The following PDXDC1 variants were observed in gnomAD, a reference collection of about 807,000 sequenced individuals.
PDXDC1 encodes pyridoxal dependent decarboxylase domain containing 1, also known as pyridoxal-dependent decarboxylase domain-containing protein 1.
Under a neutral mutation model 100.1 loss-of-function variants are expected in PDXDC1, and 42 were observed. The ratio of observed to expected loss-of-function variants is 0.42; its 90% CI spans 0.33 to 0.54. The LOEUF (loss-of-function observed/expected upper bound fraction) is 0.54. PDXDC1 is among the 20% of genes least tolerant of loss of function. PDXDC1 has a pLI of 0.10. For synonymous variants in PDXDC1, 260 were observed against 371.7 expected (o/e 0.70, Z 3.46); for missense variants, 636 against 979.2 (o/e 0.65, Z 4.68).
downstream of PDXDC1, among the ~76,000 whole-genome samples, chr16:15,141,635 C>T (rs1446593127): frequency 1.3e-5 from 2 of 151,984 alleles, no homozygotes; most frequent in South Asian, 2.1e-4. Flanking sequence ...CTGAACCCTG[C>T]TTCTCTGCCG....
At chr16:15,055,929 A>C in intron 16 of PDXDC1, 1 of 1,232,984 alleles carries the variant, frequency 8.1e-7, no homozygotes, top group Non-Finnish European at 1.0e-6. Flanking sequence ...TCCCCGGCTG[A>C]CTGCGGCAGC....
intron 16 of PDXDC1, among the ~76,000 whole-genome samples, chr16:15,112,167 A>C (rs1337522067): frequency 2.7e-5 from 4 of 148,844 alleles, no homozygotes; most frequent in East Asian, 1.9e-4. Context: ...TAAAATGCAA[A>C]GCAAATCCCA....
At chr16:15,028,988 C>G (rs765465336) in intron 15 of PDXDC1, 22 bp downstream of exon 15, 4 of 1,608,454 alleles carry the variant, frequency 2.5e-6, no homozygotes, top group African/African-American at 1.3e-5. Flanking sequence ...AGTCACCCCC[C>G]TTTCCTTTCA....
At chr16:15,071,945 T>C (rs913411225) in intron 16 of PDXDC1, among the ~76,000 whole-genome samples, 3 of 152,178 alleles carry the variant, frequency 2.0e-5, no homozygotes, top group African/African-American at 7.2e-5. Context: ...TGGGCACTCC[T>C]GTGAGTGCAA....
chr16:15,091,916 C>A (rs1272667896), intron 16 of PDXDC1, among the ~76,000 whole-genome samples: 1 of 152,156 alleles, frequency 6.6e-6, no homozygotes, highest in Admixed American at 6.5e-5. Context: ...TGGTGGCTCA[C>A]GTCTGTAATC....
the PDXDC1 span, among the ~76,000 whole-genome samples, chr16:15,147,655 T>G: frequency 6.6e-6 from 1 of 152,274 alleles, no homozygotes; most frequent in East Asian, 1.9e-4. Context: ...GCCCCCAAAG[T>G]AGCTGAGACT....
At chr16:15,141,382 G>C (rs915536672), downstream of PDXDC1, among the ~76,000 whole-genome samples, 1 of 152,246 alleles carries the variant, frequency 6.6e-6, no homozygotes, top group Non-Finnish European at 1.5e-5. Flanking sequence ...GCCACGGACG[G>C]TGGAGCCGAG....
Position 15,036,276 on chromosome 16 carries a change from G to C in PDXDC1, c.*1G>C. ...AGAAGGACCGGAGAGCTTAAGATGA[G>C]ACTCATTGTGTGGTTTGAGACTGTA... On this transcript the variant is annotated 3_prime_UTR_variant, in exon 23 of 23. Transcript: ENST00000396410. 5.6e-6 allele frequency: 9 copies of C among 1,612,736 alleles called. No individual in the cohort carries two copies. The highest frequency in any genetic ancestry group is 6.8e-6 in the Non-Finnish European group (8 of 1,179,132).
chr16:15,036,000 T>C lies in PDXDC1; in HGVS notation c.2108-16T>C. On this transcript the variant is annotated splice_polypyrimidine_tract_variant and intron_variant, in intron 22 of 22. Transcript: ENST00000396410. ...CCTCACTGAGTTTCAGCGCAGTCTG[T>C]CTGCCCTTTCTGTAGGCCAGAAGCC... 1 of 1,604,242 alleles carries C rather than the reference T, an allele frequency of 6.2e-7. No individual in the cohort carries two copies. The highest frequency in any genetic ancestry group is 8.5e-7 in the Non-Finnish European group (1 of 1,175,022).
At chr16:15,092,256 A>T (rs2046163245) in intron 16 of PDXDC1, among the ~76,000 whole-genome samples, 1 of 152,178 alleles carries the variant, frequency 6.6e-6, no homozygotes, top group Non-Finnish European at 1.5e-5. Flanking sequence ...TTCGTAAATA[A>T]AGCATTTGAA....
chr16:15,051,419 C>T (rs965264387), intron 16 of PDXDC1, among the ~76,000 whole-genome samples: 1 of 152,232 alleles, frequency 6.6e-6, no homozygotes, highest in African/African-American at 2.4e-5. Flanking sequence ...GCGGCGAGAT[C>T]GTGGCTCACT....
Position 15,034,292 on chromosome 16 carries a change from G to A in PDXDC1, c.1819G>A (p.Glu607Lys). ...REIEENSRLL[E>K]NMTEVVRKGI... ...TTTCTTGGTCTTGCCACAGCTTCTGGAAAACATGACAGAAGTGGTTCGGAA... is the reference window on the plus strand; with the variant it reads ...TTTCTTGGTCTTGCCACAGCTTCTGAAAAACATGACAGAAGTGGTTCGGAA... Residue 607 changes from glutamate (E) to lysine (K), a missense_variant, in exon 20 of 23, where the codon GAA becomes AAA. Glu to Lys is a moderately conservative substitution (Grantham distance 56). Coordinates refer to ENST00000396410, the MANE Select transcript of PDXDC1 (RefSeq NM_015027.4). 6.2e-7 allele frequency: 1 copy of A among 1,613,028 alleles called. No individual in the cohort carries two copies. Among genetic ancestry groups the A allele is most frequent in the South Asian group, 1.1e-5 (1 of 91,028 alleles).
At chr16:15,111,448 C>T (rs1349327548) in intron 16 of PDXDC1, among the ~76,000 whole-genome samples, 2 of 104,330 alleles carry the variant, frequency 1.9e-5, no homozygotes, top group Non-Finnish European at 4.1e-5. Flanking sequence ...AAAATTCAAA[C>T]TCTGTCTCAA....
At chr16:15,099,127 A>G (rs1171361841) in intron 16 of PDXDC1, among the ~76,000 whole-genome samples, 5 of 152,034 alleles carry the variant, frequency 3.3e-5, no homozygotes, top group Non-Finnish European at 5.9e-5. Flanking sequence ...TGAGCATTAT[A>G]CAAGAAAAAT....
intron 16 of PDXDC1, among the ~76,000 whole-genome samples, chr16:15,086,834 T>C (rs2045932762): frequency 6.6e-6 from 1 of 152,204 alleles, no homozygotes; most frequent in African/African-American, 2.4e-5. Context: ...ATTTCCTCTA[T>C]ATTCAAGCTG....
At position 15,133,663 on chromosome 16, in the gene PDXDC1, G is replaced by A. The variant is rs113029593; in HGVS notation, c.1400-5216G>A. On this transcript the variant is annotated intron_variant, in intron 16 of 16. Transcript: ENST00000535621. The stretch of plus-strand genomic sequence containing the variant: ...GGCGACAGCGCTGCAGCAGCAGGGC[G>A]TACACCAGCGGGGCGCCAGCATCCT... 2.3e-4 allele frequency: 354 copies of A among 1,550,348 alleles called. 1 individual carries two copies. The East Asian group carries it at 4.0e-3, about 17-fold the overall frequency.
At chr16:15,025,351 T>C (rs542879307) in intron 13 of PDXDC1, 1 of 152,570 alleles carries the variant, frequency 6.6e-6, no homozygotes, top group East Asian at 1.9e-4. Flanking sequence ...GGGCGGATTA[T>C]TTTGTTGCCT....
chr16:15,095,861 G>A (rs1405914939), intron 16 of PDXDC1, among the ~76,000 whole-genome samples: 79 of 134,394 alleles, frequency 5.9e-4, no homozygotes, highest in Middle Eastern at 4.0e-3. Context: ...AAAAAAAAAA[G>A]GTGTGTGTGT....
At chr16:15,094,327 A>G (rs1034506843) in intron 16 of PDXDC1, 17 of 1,186,656 alleles carry the variant, frequency 1.4e-5, no homozygotes, top group African/African-American at 7.8e-5. Context: ...TGCCAGCGCA[A>G]CCTTCAGCCA....
Sources: gnomAD v4.1 joint callset for allele counts (sites outside exome capture counted in the v4.1 genomes callset) on GRCh38, gnomAD v4.1.1 for gene constraint, MANE v1.5 for transcripts, NCBI Gene and HGNC (gene_info 2026-07-23, HGNC 2026-07-21) for gene names.